Variants in KCNH1 observed in about 807,000 individuals in gnomAD.
KCNH1 encodes the protein potassium voltage-gated channel subfamily H member 1.
In KCNH1, 27 loss-of-function variants were observed where a neutral mutation model predicts 69.2. The ratio of observed to expected loss-of-function variants is 0.39; its 90% CI spans 0.29 to 0.54. The LOEUF is 0.54. Among genes scored for constraint, KCNH1 ranks in the 20% least tolerant of loss-of-function variants. The pLI, the probability that KCNH1 is intolerant of heterozygous loss-of-function variation, is 0.68. For missense variants in KCNH1, 798 were observed against 1,261.6 expected, an observed-to-expected ratio of 0.63 and a Z score of 5.57; for synonymous variants, 456 against 487.7, an observed-to-expected ratio of 0.93 and a Z score of 0.86.
chr1:210,806,855 A>ATATATATATATATATAT (rs1553346606), intron 7 of KCNH1, among the ~76,000 whole-genome samples: 2 of 127,372 alleles, frequency 1.6e-5, no homozygotes, highest in African/African-American at 3.0e-5. Flanking sequence ...ATATATATAT[A>ATATATATATATATATAT]AATTTGCCGG....
At chr1:210,692,746 T>C (rs1681552787) in intron 10 of KCNH1, among the ~76,000 whole-genome samples, 1 of 151,962 alleles carries the variant, frequency 6.6e-6, no homozygotes, top group East Asian at 1.9e-4. Flanking sequence ...AGCCAAGGAA[T>C]GCCAAGGATT....
At chr1:210,787,521 C>T (rs912564148) in intron 9 of KCNH1, among the ~76,000 whole-genome samples, 6 of 152,108 alleles carry the variant, frequency 3.9e-5, no homozygotes, top group South Asian at 4.1e-4. Context: ...GTACCTGATG[C>T]GTTTCACATC....
intron 10 of KCNH1, among the ~76,000 whole-genome samples, chr1:210,710,751 T>C (rs187070694): frequency 3.3e-4 from 50 of 151,838 alleles, no homozygotes; most frequent in African/African-American, 1.2e-3. Context: ...GCTGGCTCCT[T>C]TTACCACACC....
chr1:211,070,817 A>G lies in KCNH1; in HGVS notation c.558+11963T>C, dbSNP rs1281957539. Among the ~76,000 whole-genome samples, 3 of 127,076 alleles carry G rather than the reference A, an allele frequency of 2.4e-5. No homozygotes were observed. In the East Asian group the frequency reaches 6.4e-4, roughly 27 times the overall value. The allele number at this position is 127,076 out of a possible 152,430, so 83.4% of individuals were successfully genotyped here. A position where few individuals can be genotyped will look rare whatever the true frequency, so the allele number is the denominator to read the frequency against. Reference sequence around the variant, plus strand: ...AGTCTGGGGGACAGAGCGAGACTCCATCTCAAAAAAAAAAAAATTAGGAAA... The same window carrying G: ...AGTCTGGGGGACAGAGCGAGACTCCGTCTCAAAAAAAAAAAAATTAGGAAA... On this transcript the variant is annotated intron_variant, in intron 5 of 10. Coordinates refer to ENST00000271751, the MANE Select transcript of KCNH1 (RefSeq NM_172362.3).
intron 10 of KCNH1, among the ~76,000 whole-genome samples, chr1:210,722,020 C>G (rs1682479416): frequency 2.0e-5 from 3 of 152,128 alleles, no homozygotes; most frequent in African/African-American, 7.2e-5. Context: ...AATCAATCCA[C>G]CAGTGGGCAT....
At chr1:210,861,840 A>G in intron 7 of KCNH1, 2 of 759,874 alleles carry the variant, frequency 2.6e-6, no homozygotes, top group Non-Finnish European at 4.9e-6. Flanking sequence ...GATAAAGGCA[A>G]ATAATTCCTA....
At chr1:210,725,973 A>C (rs1479200164) in intron 10 of KCNH1, among the ~76,000 whole-genome samples, 1 of 152,170 alleles carries the variant, frequency 6.6e-6, no homozygotes, top group African/African-American at 2.4e-5. Context: ...CTGTGTGCCT[A>C]TCTGAGCCAC....
At chr1:211,010,968 C>T (rs1021007053) in intron 6 of KCNH1, among the ~76,000 whole-genome samples, 2 of 152,016 alleles carry the variant, frequency 1.3e-5, no homozygotes, top group Admixed American at 6.6e-5. Context: ...TATTCTGCTC[C>T]CCAGTGCTAA....
At chr1:210,765,267 G>A (rs1051418007) in intron 10 of KCNH1, among the ~76,000 whole-genome samples, 4 of 152,176 alleles carry the variant, frequency 2.6e-5, no homozygotes, top group Admixed American at 1.3e-4. Flanking sequence ...GCGGGTGGAA[G>A]GGTTGAAAAA....
chr1:210,718,297 AATATATGT>A (rs1682316119), intron 10 of KCNH1, among the ~76,000 whole-genome samples: 1 of 136,122 alleles, frequency 7.3e-6, no homozygotes, highest in African/African-American at 2.7e-5. Context: ...TGTGTATATA[AATATATGT>A]ATATATGTGT....
intron 9 of KCNH1, among the ~76,000 whole-genome samples, chr1:210,790,374 C>G (rs1352403313): frequency 6.6e-6 from 1 of 152,130 alleles, no homozygotes; most frequent in Admixed American, 6.5e-5. Context: ...TGATCTTCTA[C>G]CACTGATGCC....
At chr1:210,900,046 C>T (rs1686961192) in intron 7 of KCNH1, among the ~76,000 whole-genome samples, 2 of 152,228 alleles carry the variant, frequency 1.3e-5, no homozygotes, top group South Asian at 2.1e-4. Flanking sequence ...GTCCTAAATG[C>T]TTCTTGCCTC....
chr1:210,982,601 A>G (rs1208324408), intron 6 of KCNH1, among the ~76,000 whole-genome samples: 1 of 152,124 alleles, frequency 6.6e-6, no homozygotes, highest in African/African-American at 2.4e-5. Flanking sequence ...ACATGAACTC[A>G]TCACTTTTTA....
chr1:210,877,833 A>G (rs1054259007), intron 7 of KCNH1, among the ~76,000 whole-genome samples: 1 of 152,180 alleles, frequency 6.6e-6, no homozygotes, highest in African/African-American at 2.4e-5. Context: ...TTCCAGCATG[A>G]TACCACCTGA....
intron 5 of KCNH1, among the ~76,000 whole-genome samples, chr1:211,024,917 T>C (rs1260921902): frequency 6.6e-6 from 1 of 152,032 alleles, no homozygotes; most frequent in Non-Finnish European, 1.5e-5. Context: ...ATGAGTCAAC[T>C]CTAAGGTCCT....
chr1:210,829,602 T>C lies in KCNH1; in HGVS notation c.1463-25436A>G, dbSNP rs544078395. ...CCTTCCACCCTAGCATCCTTGCTGT[T>C]ACCTAAAGACATCATCCTGCTTTTA... is the stretch of plus-strand genomic sequence containing the variant. On this transcript the variant is annotated intron_variant, in intron 7 of 10. Coordinates refer to ENST00000271751, the MANE Select transcript of KCNH1 (RefSeq NM_172362.3). Among the ~76,000 whole-genome samples the C allele has an allele frequency of 2.6e-5, 4 of 152,304 alleles. No individual in the cohort carries two copies. The East Asian group carries it at 5.8e-4, about 22-fold the overall frequency.
chr1:210,750,302 A>G (rs985527803), intron 10 of KCNH1, among the ~76,000 whole-genome samples: 4 of 152,224 alleles, frequency 2.6e-5, no homozygotes, highest in African/African-American at 9.6e-5. Flanking sequence ...AGCAGAGTAC[A>G]GACGCTAACT....
chr1:210,996,949 GT>G (rs1364826713), intron 6 of KCNH1, among the ~76,000 whole-genome samples: 2 of 152,198 alleles, frequency 1.3e-5, no homozygotes, highest in African/African-American at 2.4e-5. Flanking sequence ...AGACCTGAGG[GT>G]TCTGTCTGTT....
chr1:210,860,893 G>C (rs536979161), intron 7 of KCNH1: 5 of 925,304 alleles, frequency 5.4e-6, no homozygotes, highest in South Asian at 5.2e-5. Context: ...GCTGAAGAGA[G>C]AGAACACATG....
Sources: gnomAD v4.1 joint callset for allele counts (sites outside exome capture counted in the v4.1 genomes callset) on GRCh38, gnomAD v4.1.1 for gene constraint, MANE v1.5 for transcripts, NCBI Gene and HGNC (gene_info 2026-07-23, HGNC 2026-07-21) for gene names.